The following LRRC4C variants were observed in gnomAD, a reference collection of about 807,000 sequenced individuals.
LRRC4C encodes the protein leucine rich repeat containing 4C, also known as leucine-rich repeat-containing protein 4C.
A neutral mutation model predicts 33.6 loss-of-function variants in LRRC4C; 5 were observed. The ratio of observed to expected loss-of-function variants is 0.15; its 90% confidence interval spans 0.08 to 0.31. LRRC4C has a LOEUF of 0.31. Among genes scored for constraint, LRRC4C ranks in the 10% least tolerant of loss-of-function variants. The pLI, the probability that LRRC4C is intolerant of heterozygous loss-of-function variation, is 1.00. For synonymous variants in LRRC4C, 329 were observed against 302.0 expected (o/e 1.09, Z -0.93); for missense variants, 560 against 796.7 (o/e 0.70, Z 3.58).
At chr11:41,092,033 T>C (rs1318142896) in intron 1 of LRRC4C, among the ~76,000 whole-genome samples, 1 of 152,130 alleles carries the variant, frequency 6.6e-6, no homozygotes, top group East Asian at 1.9e-4. Context: ...AGCCCCTGGG[T>C]GGTGGGACTT....
intron 5 of LRRC4C, among the ~76,000 whole-genome samples, chr11:40,160,173 C>G (rs532296880): frequency 6.9e-4 from 103 of 150,116 alleles, no homozygotes; most frequent in African/African-American, 2.4e-3. Context: ...AGAAGAGTTG[C>G]GAAGATTTTT....
intron 3 of LRRC4C, among the ~76,000 whole-genome samples, chr11:40,633,371 T>TTCTTTCTTTCTCTCTCTC (rs745929705): frequency 8.3e-5 from 8 of 96,308 alleles, no homozygotes; most frequent in Non-Finnish European, 1.3e-4. Context: ...CTTTCTTTCT[T>TTCTTTCTTTCTCTCTCTC]TCTCTCTCTT....
At chr11:40,558,799 C>T (rs893086775) in intron 3 of LRRC4C, among the ~76,000 whole-genome samples, 2 of 152,084 alleles carry the variant, frequency 1.3e-5, no homozygotes, top group Admixed American at 6.6e-5. Context: ...ATTATTTTAT[C>T]ACCCAGGTAT....
chr11:40,190,907 G>C (rs547753139), intron 5 of LRRC4C, among the ~76,000 whole-genome samples: 1 of 152,152 alleles, frequency 6.6e-6, no homozygotes, highest in Non-Finnish European at 1.5e-5. Context: ...ATTTCCCTGA[G>C]GGGAAAGCTT....
intron 4 of LRRC4C, among the ~76,000 whole-genome samples, chr11:40,306,862 G>A (rs908539854): frequency 6.6e-6 from 1 of 151,748 alleles, no homozygotes; most frequent in Admixed American, 6.6e-5. Context: ...GGTAAGATGT[G>A]CTATGTAATC....
At chr11:40,966,245 T>TCAC (rs1851356488) in intron 1 of LRRC4C, among the ~76,000 whole-genome samples, 1 of 151,910 alleles carries the variant, frequency 6.6e-6, no homozygotes, top group Non-Finnish European at 1.5e-5. Context: ...CTTTACCTAT[T>TCAC]TTTACATTTG....
intron 3 of LRRC4C, among the ~76,000 whole-genome samples, chr11:40,587,960 G>C (rs1454465368): frequency 6.6e-6 from 1 of 152,050 alleles, no homozygotes; most frequent in Non-Finnish European, 1.5e-5. Flanking sequence ...GTCTCTGCCC[G>C]GCTTTGGTAT....
chr11:40,441,310 T>C (rs1352663845), intron 3 of LRRC4C, among the ~76,000 whole-genome samples: 1 of 152,214 alleles, frequency 6.6e-6, no homozygotes, highest in African/African-American at 2.4e-5. Flanking sequence ...CTGTTCACAG[T>C]CATTTTGCAA....
intron 1 of LRRC4C, among the ~76,000 whole-genome samples, chr11:41,329,308 C>T (rs1009786757): frequency 3.3e-5 from 5 of 152,214 alleles, no homozygotes; most frequent in Admixed American, 2.0e-4. Flanking sequence ...AGATCTCCCT[C>T]CTGAGCTCAA....
intron 1 of LRRC4C, among the ~76,000 whole-genome samples, chr11:41,222,044 G>C (rs1947331025): frequency 6.6e-6 from 1 of 152,178 alleles, no homozygotes; most frequent in African/African-American, 2.4e-5. Context: ...AGGGAGCAGA[G>C]AGTAGAAGAA....
At chr11:40,403,794 C>T (rs1949856608) in intron 3 of LRRC4C, among the ~76,000 whole-genome samples, 1 of 152,070 alleles carries the variant, frequency 6.6e-6, no homozygotes, top group Non-Finnish European at 1.5e-5. Context: ...TGACCAGGCT[C>T]ATTCTCTACA....
At chr11:41,192,398 TACACACACAC>T (rs148065178) in intron 1 of LRRC4C, among the ~76,000 whole-genome samples, 6 of 145,802 alleles carry the variant, frequency 4.1e-5, no homozygotes, top group East Asian at 2.0e-4. Flanking sequence ...AAGAAGATCA[TACACACACAC>T]ACACACACAC....
At chr11:41,151,104 A>T (rs1425366755) in intron 1 of LRRC4C, among the ~76,000 whole-genome samples, 1 of 152,058 alleles carries the variant, frequency 6.6e-6, no homozygotes, top group Non-Finnish European at 1.5e-5. Context: ...ATATATATAC[A>T]TTCAAACAAA....
intron 4 of LRRC4C, among the ~76,000 whole-genome samples, chr11:40,252,805 A>G (rs2136191731): frequency 6.6e-6 from 1 of 152,324 alleles, no homozygotes; most frequent in East Asian, 1.9e-4. Context: ...TATATGGCAT[A>G]TTTTATGTTT....
At chr11:41,167,358 G>A (rs116931577) in intron 1 of LRRC4C, among the ~76,000 whole-genome samples, 37 of 152,276 alleles carry the variant, frequency 2.4e-4, no homozygotes, top group Admixed American at 1.2e-3. Flanking sequence ...GACAATGACC[G>A]TGATGATGCA....
At chr11:41,179,173 A>G (rs1461854050) in intron 1 of LRRC4C, among the ~76,000 whole-genome samples, 3 of 151,278 alleles carry the variant, frequency 2.0e-5, no homozygotes, top group Non-Finnish European at 4.4e-5. Context: ...AAAGGAAGCA[A>G]TCCTCAAGCC....
intron 2 of LRRC4C, among the ~76,000 whole-genome samples, chr11:40,857,709 G>A (rs1032313290): frequency 1.3e-5 from 2 of 152,116 alleles, no homozygotes; most frequent in Non-Finnish European, 2.9e-5. Context: ...GACCCTAGGA[G>A]TTTGAGATCA....
intron 1 of LRRC4C, among the ~76,000 whole-genome samples, chr11:41,302,797 G>A (rs1950322259): frequency 6.6e-6 from 1 of 151,998 alleles, no homozygotes; most frequent in African/African-American, 2.4e-5. Context: ...CCCTAAATTC[G>A]TGATCTAAGT....
intron 1 of LRRC4C, among the ~76,000 whole-genome samples, chr11:41,322,799 G>A (rs1294795787): frequency 6.6e-6 from 1 of 152,152 alleles, no homozygotes; most frequent in Non-Finnish European, 1.5e-5. Context: ...GGTTCAGGAG[G>A]CACCATGTGA....
Sources: gnomAD v4.1 joint callset for allele counts (sites outside exome capture counted in the v4.1 genomes callset) on GRCh38, gnomAD v4.1.1 for gene constraint, MANE v1.5 for transcripts, NCBI Gene and HGNC (gene_info 2026-07-23, HGNC 2026-07-21) for gene names.